Variants in C16orf74 observed in about 807,000 individuals in gnomAD.
C16orf74 encodes the protein uncharacterized protein C16orf74.
A neutral mutation model predicts 6.5 loss-of-function variants in C16orf74; 10 were observed. The observed-to-expected ratio is 1.54, with a 90% CI of 0.95 to 2.61. The LOEUF is 2.61. C16orf74 is among the 30% of genes most tolerant of loss of function. The pLI is 0.00. For synonymous variants in C16orf74, 60 were observed against 42.5 expected (o/e 1.41, Z -1.60); for missense variants, 141 against 105.9 (o/e 1.33, Z -1.45).
intron 1 of C16orf74, among the ~76,000 whole-genome samples, chr16:85,738,582 C>T (rs188100759): frequency 1.5e-3 from 233 of 151,934 alleles, no homozygotes; most frequent in African/African-American, 5.2e-3. Context: ...CCACCCACCT[C>T]GGCCTCCCAA....
At chr16:85,734,215 A>T (rs1262881217) in intron 2 of C16orf74, among the ~76,000 whole-genome samples, 1 of 152,188 alleles carries the variant, frequency 6.6e-6, no homozygotes, top group African/African-American at 2.4e-5. Flanking sequence ...ACAATTAATT[A>T]AGAGCAGCCA....
chr16:85,747,401 A>G (rs1208047875), intron 1 of C16orf74, among the ~76,000 whole-genome samples: 1 of 152,030 alleles, frequency 6.6e-6, no homozygotes, highest in East Asian at 1.9e-4. Flanking sequence ...GCAGTGAGCC[A>G]TGATCATGCC....
At chr16:85,722,336 C>G (rs879564020) in intron 2 of C16orf74, among the ~76,000 whole-genome samples, 1 of 152,154 alleles carries the variant, frequency 6.6e-6, no homozygotes, top group Non-Finnish European at 1.5e-5. Flanking sequence ...CAGTTAGTAC[C>G]AGAGAAAGGT....
Position 85,710,258 on chromosome 16 carries a change from G to A in C16orf74, c.78C>T (p.Pro26=), listed in dbSNP as rs368142094. 21 of 1,513,722 alleles carry A rather than the reference G, an allele frequency of 1.4e-5. No homozygotes were observed. Among genetic ancestry groups the A allele is most frequent in the South Asian group, 5.3e-5 (4 of 75,128 alleles). The allele number at this position is 1,513,722 out of a possible 1,614,324, so 93.8% of individuals were successfully genotyped here. Residue 26 remains proline (P), a synonymous_variant, in exon 3 of 4, where the codon CCC becomes CCT. Coordinates refer to ENST00000284245, the MANE Select transcript of C16orf74 (RefSeq NM_206967.3). ...CGTCCAGGTGCTTGTCGTTCAGGAC[G>A]GGGGCCTCGTCGTGGCTGCTGCTGC... ...SSSSSSHDEA[P]VLNDKHLDVP... is the part of the protein sequence containing the mutation.
At chr16:85,725,142 A>C (rs538268474) in intron 2 of C16orf74, among the ~76,000 whole-genome samples, 1 of 152,218 alleles carries the variant, frequency 6.6e-6, no homozygotes, top group African/African-American at 2.4e-5. Context: ...GCGGGGCGAG[A>C]TCAGACGCCA....
At chr16:85,744,541 C>T (rs2054347905) in intron 1 of C16orf74, among the ~76,000 whole-genome samples, 1 of 152,164 alleles carries the variant, frequency 6.6e-6, no homozygotes, top group Non-Finnish European at 1.5e-5. Context: ...AAAAATCTCC[C>T]TGTCAGCAGC....
intron 2 of C16orf74, among the ~76,000 whole-genome samples, chr16:85,722,682 C>T (rs2054094771): frequency 6.6e-6 from 1 of 152,314 alleles, no homozygotes; most frequent in Non-Finnish European, 1.5e-5. Flanking sequence ...CTTTGGGACC[C>T]GGCCTATGTT....
At chr16:85,749,393 C>T (rs952184606) in intron 1 of C16orf74, among the ~76,000 whole-genome samples, 1 of 152,140 alleles carries the variant, frequency 6.6e-6, no homozygotes, top group Non-Finnish European at 1.5e-5. Flanking sequence ...TCAAGGAAAC[C>T]TCCCGTCTCA....
intron 1 of C16orf74, among the ~76,000 whole-genome samples, chr16:85,746,075 G>A (rs887364303): frequency 6.6e-6 from 1 of 152,136 alleles, no homozygotes; most frequent in Non-Finnish European, 1.5e-5. Flanking sequence ...GGCTGGGTGC[G>A]GTGGCTCATT....
chr16:85,740,518 C>T (rs1289473937), intron 1 of C16orf74, among the ~76,000 whole-genome samples: 17 of 150,988 alleles, frequency 1.1e-4, no homozygotes, highest in Admixed American at 7.2e-4. Flanking sequence ...CTGGCTATCA[C>T]GGTGAAACCC....
At chr16:85,731,806 G>C (rs537548002) in intron 2 of C16orf74, among the ~76,000 whole-genome samples, 1 of 151,962 alleles carries the variant, frequency 6.6e-6, no homozygotes, top group Non-Finnish European at 1.5e-5. Flanking sequence ...TCCCACCTCC[G>C]CCTCCCAAGT....
chr16:85,749,263 T>C (rs560704895), intron 1 of C16orf74, among the ~76,000 whole-genome samples: 43 of 152,190 alleles, frequency 2.8e-4, no homozygotes, highest in African/African-American at 1.0e-3. Flanking sequence ...CAAGCTTCTG[T>C]TTCCTCATTT....
intron 2 of C16orf74, among the ~76,000 whole-genome samples, chr16:85,729,121 G>A (rs532717210): frequency 3.3e-5 from 5 of 152,154 alleles, no homozygotes; most frequent in African/African-American, 4.8e-5. Flanking sequence ...CCAAGGAGAC[G>A]ACTCCCCCTT....
At chr16:85,709,768 G>A (rs1201511297) in intron 3 of C16orf74, among the ~76,000 whole-genome samples, 1 of 152,254 alleles carries the variant, frequency 6.6e-6, no homozygotes, top group Non-Finnish European at 1.5e-5. Flanking sequence ...GCCTGGGCAC[G>A]AGCTGTGTTT....
intron 1 of C16orf74, among the ~76,000 whole-genome samples, chr16:85,736,222 C>G (rs1189955726): frequency 6.6e-6 from 1 of 152,128 alleles, no homozygotes; most frequent in Non-Finnish European, 1.5e-5. Context: ...AGAGCTTATT[C>G]TGAGGACGCC....
intron 1 of C16orf74, among the ~76,000 whole-genome samples, chr16:85,739,495 G>A (rs1376422944): frequency 6.6e-6 from 1 of 152,178 alleles, no homozygotes; most frequent in African/African-American, 2.4e-5. Context: ...AAAATGCTGT[G>A]GGGCACAGGG....
intron 2 of C16orf74, among the ~76,000 whole-genome samples, chr16:85,731,938 G>A (rs1262512116): frequency 6.6e-6 from 1 of 152,216 alleles, no homozygotes. Context: ...AGATCCTCCT[G>A]CCTCAGTTTC....
intron 1 of C16orf74, among the ~76,000 whole-genome samples, chr16:85,748,667 G>T (rs970785694): frequency 5.9e-5 from 9 of 152,182 alleles, no homozygotes; most frequent in Non-Finnish European, 1.0e-4. Flanking sequence ...GGAATGTCTG[G>T]GTTACGATAA....
intron 2 of C16orf74, among the ~76,000 whole-genome samples, chr16:85,716,014 CGGAGGCCCCCGACAAAAGGAATCGCTG>C (rs2054019818): frequency 6.9e-6 from 1 of 144,392 alleles, no homozygotes; most frequent in African/African-American, 2.9e-5. Context: ...CGCTGATGAT[CGGAGGCCCCCGACAAAAGGAATCGCTG>C]ATGATCGTGT....
Sources: allele counts gnomAD v4.1 joint callset (sites outside exome capture counted in the v4.1 genomes callset), GRCh38; gene constraint gnomAD v4.1.1; transcripts MANE v1.5; gene names NCBI Gene and HGNC (gene_info 2026-07-23, HGNC 2026-07-21).